ALG9: variants seen among roughly 807,000 people sequenced by gnomAD.
ALG9 encodes the protein ALG9 alpha-1,2-mannosyltransferase, also known as alpha-1,2-mannosyltransferase ALG9.
Under a neutral mutation model 81.8 loss-of-function variants are expected in ALG9, and 55 were observed. The observed-to-expected ratio is 0.67, with a 90% CI of 0.54 to 0.84. The LOEUF (loss-of-function observed/expected upper bound fraction) is 0.84. Among genes scored for constraint, ALG9 ranks in the 40% least tolerant of loss-of-function variants. The pLI, the probability that ALG9 is intolerant of heterozygous loss-of-function variation, is 0.00. For missense variants in ALG9, 629 were observed against 745.0 expected (o/e 0.84, Z 1.81); for synonymous variants, 278 against 274.3 (o/e 1.01, Z -0.13).
rs1555117643 is a variant in ALG9, at chr11:111,836,307, C to T, written c.1473-13G>A. 5 of 1,613,774 alleles carry T rather than the reference C, an allele frequency of 3.1e-6. No individual in the cohort carries two copies. Among genetic ancestry groups the T allele is most frequent in the Non-Finnish European group, 4.2e-6 (5 of 1,179,878 alleles). On this transcript the variant is annotated splice_polypyrimidine_tract_variant and intron_variant, in intron 12 of 14. Transcript: ENST00000616540. Reference sequence around the variant, plus strand: ...CTGAAGCTGCCAACTGTCAGAAACACAAGGAGAATAAGAAAAACACAGGGG... The same window carrying T: ...CTGAAGCTGCCAACTGTCAGAAACATAAGGAGAATAAGAAAAACACAGGGG...
chr11:111,770,321 T>G, the ALG9 span, among the ~76,000 whole-genome samples: 1 of 152,158 alleles, frequency 6.6e-6, no homozygotes, highest in African/African-American at 2.4e-5. Context: ...CCATTGATTT[T>G]AAAAGTTCAT....
chr11:111,831,873 T>A (rs572981276), intron 13 of ALG9, among the ~76,000 whole-genome samples: 34 of 152,342 alleles, frequency 2.2e-4, no homozygotes, highest in African/African-American at 8.2e-4. Context: ...AAATGCAAAT[T>A]TTTTCCAACA....
At chr11:111,825,136 G>A (rs556827651) in intron 13 of ALG9, among the ~76,000 whole-genome samples, 5 of 152,254 alleles carry the variant, frequency 3.3e-5, no homozygotes, top group African/African-American at 1.2e-4. Flanking sequence ...CTTGAAAAAT[G>A]GTAGTGCTTG....
At chr11:111,809,474 G>A (rs1218790715) in intron 14 of ALG9, 169 bp downstream of exon 14, 15 of 715,618 alleles carry the variant, frequency 2.1e-5, no homozygotes, top group Non-Finnish European at 3.5e-5. Context: ...AGGTTGTGGG[G>A]AGTTGAGATC....
At chr11:111,787,071 A>C (rs1348441041) in intron 14 of ALG9, among the ~76,000 whole-genome samples, 2 of 152,216 alleles carry the variant, frequency 1.3e-5, no homozygotes, top group Non-Finnish European at 2.9e-5. Context: ...TATTACTGAA[A>C]TATAAGAACT....
intron 14 of ALG9, among the ~76,000 whole-genome samples, chr11:111,806,001 T>G (rs1168770854): frequency 6.6e-6 from 1 of 152,000 alleles, no homozygotes; most frequent in Non-Finnish European, 1.5e-5. Context: ...GGACTATAGG[T>G]GCTCACCACC....
chr11:111,771,487 C>G, the ALG9 span: 1 of 152,238 alleles, frequency 6.6e-6, no homozygotes, highest in South Asian at 2.1e-4. Context: ...CTTGCGTCTC[C>G]CTTACAGCCA....
intron 6 of ALG9, among the ~76,000 whole-genome samples, chr11:111,856,276 C>CAAAAAAAAAAAA (rs1175162630): frequency 5.2e-5 from 2 of 38,568 alleles, no homozygotes; most frequent in Non-Finnish European, 1.3e-4. Flanking sequence ...GACTCCATCT[C>CAAAAAAAAAAAA]AAAAAAAAAA....
intron 5 of ALG9, 76 bp from the exon 6 acceptor site, chr11:111,857,813 T>A: frequency 6.5e-7 from 1 of 1,538,686 alleles, no homozygotes; most frequent in Non-Finnish European, 8.9e-7. Context: ...AAAAACTGAT[T>A]AAAAATTTAC....
At chr11:111,866,105 G>A (rs1478772862) in intron 3 of ALG9, among the ~76,000 whole-genome samples, 2 of 152,028 alleles carry the variant, frequency 1.3e-5, no homozygotes, top group African/African-American at 4.8e-5. Flanking sequence ...GACCAGCCTG[G>A]CCAACATGGT....
chr11:111,803,556 G>C (rs1949470571), intron 14 of ALG9, among the ~76,000 whole-genome samples: 1 of 148,120 alleles, frequency 6.8e-6, no homozygotes, highest in African/African-American at 2.5e-5. Context: ...CAAACTGCAA[G>C]ACTTACTATA....
At chr11:111,826,419 T>C (rs1317395816) in intron 13 of ALG9, among the ~76,000 whole-genome samples, 3 of 151,106 alleles carry the variant, frequency 2.0e-5, no homozygotes, top group Non-Finnish European at 2.9e-5. Context: ...AAAAACTTAG[T>C]ACAAGAAGCT....
chr11:111,865,066 C>G (rs782215333), intron 4 of ALG9, 115 bp downstream of exon 4: 1 of 821,856 alleles, frequency 1.2e-6, no homozygotes, highest in Non-Finnish European at 1.8e-6. Context: ...TGTGAGCCAC[C>G]GCACCCGGTC....
chr11:111,840,900 G>A (rs1403044807), intron 9 of ALG9, 91 bp from the exon 10 acceptor site: 1 of 1,462,374 alleles, frequency 6.8e-7, no homozygotes, highest in East Asian at 2.3e-5. Flanking sequence ...AAATTTAGGA[G>A]TATGCCCTAG....
intron 3 of ALG9, among the ~76,000 whole-genome samples, chr11:111,868,325 T>C (rs782568967): frequency 4.6e-5 from 7 of 152,212 alleles, no homozygotes; most frequent in Non-Finnish European, 7.3e-5. Context: ...AGACCCACCA[T>C]ATTTAGAATG....
At chr11:111,796,112 C>G (rs1189953901) in intron 14 of ALG9, among the ~76,000 whole-genome samples, 1 of 152,180 alleles carries the variant, frequency 6.6e-6, no homozygotes, top group Non-Finnish European at 1.5e-5. Context: ...ATGAGTATGT[C>G]TTAAAATAAT....
rs1344584461 is a variant in ALG9, at chr11:111,786,275, A to G, written c.*122T>C. 5 of 1,475,414 alleles carry G rather than the reference A, an allele frequency of 3.4e-6. No homozygotes were observed. Among genetic ancestry groups the G allele is most frequent in the Non-Finnish European group, 4.7e-6 (5 of 1,058,074 alleles). 91.4% of individuals were successfully genotyped at this position (1,475,414 alleles called of 1,614,324 possible). ...ACTTTGACTAGCCCAGAGCACCCAG[A>G]TTCCAGTATTCATGTCAGAAGACCT... On this transcript the variant is annotated 3_prime_UTR_variant, in exon 15 of 15. Transcript: ENST00000616540.
chr11:111,825,477 C>G (rs941909846), intron 13 of ALG9, among the ~76,000 whole-genome samples: 20 of 152,150 alleles, frequency 1.3e-4, no homozygotes, highest in African/African-American at 4.8e-4. Flanking sequence ...CCTAAATATT[C>G]AATGTTATTT....
chr11:111,824,408 G>A (rs1299743735), intron 13 of ALG9, among the ~76,000 whole-genome samples: 2 of 152,052 alleles, frequency 1.3e-5, no homozygotes, highest in African/African-American at 4.8e-5. Context: ...TTCTTTACGG[G>A]TTGTATATTG....
Sources: gnomAD v4.1 joint callset for allele counts (sites outside exome capture counted in the v4.1 genomes callset) on GRCh38, gnomAD v4.1.1 for gene constraint, MANE v1.5 for transcripts, NCBI Gene and HGNC (gene_info 2026-07-23, HGNC 2026-07-21) for gene names.